TRDN: variants seen among roughly 807,000 people sequenced by gnomAD.
TRDN encodes the protein triadin.
Under a neutral mutation model 149.7 loss-of-function variants are expected in TRDN, and 161 were observed. That is an observed-to-expected ratio of 1.08 (90% confidence interval 0.95 to 1.23). The LOEUF (loss-of-function observed/expected upper bound fraction) is 1.23, where lower values mean the gene tolerates loss of function less well. Among genes scored for constraint, TRDN ranks in the 50% most tolerant of loss-of-function variants. The pLI is 0.00. For missense variants in TRDN, 896 were observed against 823.5 expected (o/e 1.09, Z -1.08); for synonymous variants, 294 against 250.5 (o/e 1.17, Z -1.64).
At chr6:123,500,918 G>A (rs542920665) in intron 8 of TRDN, among the ~76,000 whole-genome samples, 7 of 152,132 alleles carry the variant, frequency 4.6e-5, no homozygotes, top group Admixed American at 1.3e-4. Flanking sequence ...CAAAGTGTGT[G>A]GCAGCTGGAA....
At chr6:123,631,488 C>T (rs1458054830) in intron 1 of TRDN, among the ~76,000 whole-genome samples, 2 of 151,868 alleles carry the variant, frequency 1.3e-5, no homozygotes, top group African/African-American at 2.4e-5. Context: ...AAAATGATTA[C>T]TTCCTTGTCT....
At chr6:123,292,750 A>G (rs1457485315) in intron 24 of TRDN, among the ~76,000 whole-genome samples, 1 of 152,164 alleles carries the variant, frequency 6.6e-6, no homozygotes, top group Non-Finnish European at 1.5e-5. Flanking sequence ...AGTCACAGCT[A>G]CAAAAGGGGG....
At chr6:123,611,420 AAATG>A (rs756228618) in intron 1 of TRDN, among the ~76,000 whole-genome samples, 8 of 152,186 alleles carry the variant, frequency 5.3e-5, no homozygotes, top group Non-Finnish European at 1.0e-4. Flanking sequence ...GAATAAATAA[AAATG>A]AAATAATTTT....
intron 9 of TRDN, chr6:123,471,123 G>C (rs1194421295): frequency 6.6e-6 from 1 of 152,206 alleles, no homozygotes; most frequent in Admixed American, 6.5e-5. Context: ...ATGAAAATCA[G>C]AAGTTGTAGA....
chr6:123,373,013 C>T (rs1781377047), intron 19 of TRDN, among the ~76,000 whole-genome samples: 1 of 71,048 alleles, frequency 1.4e-5, no homozygotes, highest in Admixed American at 1.5e-4. Flanking sequence ...CACACCACAC[C>T]CTGACACATA....
intron 33 of TRDN, among the ~76,000 whole-genome samples, chr6:123,264,175 C>T (rs1776861911): frequency 6.6e-6 from 1 of 152,068 alleles, no homozygotes; most frequent in African/African-American, 2.4e-5. Context: ...AGTGACTCAT[C>T]TGATAGATCC....
intron 10 of TRDN, among the ~76,000 whole-genome samples, chr6:123,461,257 G>A (rs753191253): frequency 1.3e-5 from 2 of 152,096 alleles, no homozygotes; most frequent in Non-Finnish European, 2.9e-5. Flanking sequence ...CTGAGATTGG[G>A]CAGGACTCTG....
chr6:123,631,706 G>GT (rs199816530), intron 1 of TRDN, among the ~76,000 whole-genome samples: 142 of 151,600 alleles, frequency 9.4e-4, no homozygotes, highest in Admixed American at 8.6e-4. Context: ...CATCAACTCT[G>GT]TTTTTTTTCT....
intron 10 of TRDN, chr6:123,463,167 C>T (rs1384898609): frequency 6.6e-6 from 1 of 151,864 alleles, no homozygotes; most frequent in Non-Finnish European, 1.5e-5. Flanking sequence ...GAAACCCCGT[C>T]TCTACTAAAA....
intron 1 of TRDN, among the ~76,000 whole-genome samples, chr6:123,581,814 T>C (rs1221310408): frequency 6.6e-6 from 1 of 152,146 alleles, no homozygotes; most frequent in East Asian, 1.9e-4. Flanking sequence ...ATAATGCCAA[T>C]CATCAAACAG....
chr6:123,417,252 G>T (rs1890465), intron 12 of TRDN, among the ~76,000 whole-genome samples: 58,932 of 151,910 alleles, frequency 0.39, 11,822 homozygotes, highest in Middle Eastern at 0.48. Context: ...TAATTTGAGG[G>T]AAGCATATTA....
At chr6:123,593,789 C>T (rs1783902367) in intron 1 of TRDN, among the ~76,000 whole-genome samples, 1 of 152,160 alleles carries the variant, frequency 6.6e-6, no homozygotes, top group Non-Finnish European at 1.5e-5. Flanking sequence ...AGAACTTCAA[C>T]ATAAGGTTGT....
At chr6:123,561,642 T>C (rs1266972977) in intron 2 of TRDN, among the ~76,000 whole-genome samples, 2 of 152,054 alleles carry the variant, frequency 1.3e-5, no homozygotes, top group Non-Finnish European at 2.9e-5. Flanking sequence ...TACCTGTTTT[T>C]CTCCTTCTCT....
intron 1 of TRDN, among the ~76,000 whole-genome samples, chr6:123,591,184 A>G (rs1365946253): frequency 6.6e-6 from 1 of 152,218 alleles, no homozygotes; most frequent in Non-Finnish European, 1.5e-5. Flanking sequence ...GAGAAAAAAT[A>G]TATATTTAAA....
intron 34 of TRDN, among the ~76,000 whole-genome samples, chr6:123,260,294 C>G (rs1053506620): frequency 6.6e-6 from 1 of 152,012 alleles, no homozygotes; most frequent in African/African-American, 2.4e-5. Context: ...CATAATATTT[C>G]TAAGCAAAAT....
intron 38 of TRDN, among the ~76,000 whole-genome samples, chr6:123,247,157 G>A (rs1364078832): frequency 2.0e-5 from 3 of 152,156 alleles, no homozygotes; most frequent in East Asian, 3.8e-4. Flanking sequence ...TACTGAATGG[G>A]CAAAAGCTGG....
intron 2 of TRDN, among the ~76,000 whole-genome samples, chr6:123,555,541 G>A (rs912799964): frequency 9.2e-5 from 14 of 152,122 alleles, no homozygotes; most frequent in Non-Finnish European, 1.6e-4. Flanking sequence ...GAAAAATGCA[G>A]GAAGGATGGC....
At chr6:123,225,425 C>T (rs916691263) in intron 38 of TRDN, among the ~76,000 whole-genome samples, 2 of 151,682 alleles carry the variant, frequency 1.3e-5, no homozygotes, top group East Asian at 1.9e-4. Context: ...AGCAATTTCA[C>T]TTCTGGGTAT....
chr6:123,546,949 CA>C (rs929849077), intron 4 of TRDN, among the ~76,000 whole-genome samples: 8 of 150,806 alleles, frequency 5.3e-5, no homozygotes, highest in Middle Eastern at 3.4e-3. Flanking sequence ...ATAATGATGG[CA>C]AAAAAAATAA....
Sources: allele counts gnomAD v4.1 joint callset (sites outside exome capture counted in the v4.1 genomes callset), GRCh38; gene constraint gnomAD v4.1.1; transcripts MANE v1.5; gene names NCBI Gene and HGNC (gene_info 2026-07-23, HGNC 2026-07-21).